The following SGCZ variants were observed in gnomAD, a reference collection of about 807,000 sequenced individuals.
SGCZ encodes the protein zeta-sarcoglycan.
SGCZ carries 40 observed loss-of-function variants against 41.3 expected under a neutral mutation model. That is an observed-to-expected ratio of 0.97 (90% CI 0.75 to 1.26). The LOEUF is 1.26. Among genes scored for constraint, SGCZ ranks in the 50% most tolerant of loss-of-function variants. The pLI is 0.00. For missense variants in SGCZ, 552 were observed against 369.8 expected (o/e 1.49, Z -4.04); for synonymous variants, 206 against 137.5 (o/e 1.50, Z -3.49).
intron 1 of SGCZ, among the ~76,000 whole-genome samples, chr8:14,682,128 A>T (rs1808467101): frequency 6.6e-6 from 1 of 152,096 alleles, no homozygotes; most frequent in Non-Finnish European, 1.5e-5. Flanking sequence ...TGCTTCAAGC[A>T]TGGATGGCAA....
intron 2 of SGCZ, among the ~76,000 whole-genome samples, chr8:14,384,772 A>T (rs1804507399): frequency 6.6e-6 from 1 of 152,126 alleles, no homozygotes; most frequent in Admixed American, 6.5e-5. Context: ...GCTGGTCTTG[A>T]ACTCCTGGTC....
At chr8:14,420,566 G>A (rs892391244) in intron 2 of SGCZ, among the ~76,000 whole-genome samples, 2 of 151,848 alleles carry the variant, frequency 1.3e-5, no homozygotes, top group South Asian at 2.1e-4. Flanking sequence ...TCCTCCTTCA[G>A]TTACCCAACA....
chr8:14,475,414 GT>G (rs1801330127), intron 2 of SGCZ, among the ~76,000 whole-genome samples: 2 of 152,032 alleles, frequency 1.3e-5, no homozygotes, highest in Admixed American at 1.3e-4. Context: ...CTATAAAAAG[GT>G]TTTTAACAAA....
At chr8:15,171,180 A>G (rs1563164188) in intron 1 of SGCZ, among the ~76,000 whole-genome samples, 1 of 152,204 alleles carries the variant, frequency 6.6e-6, no homozygotes. Context: ...TCTTAATTGA[A>G]AAAAGATAAA....
chr8:15,163,996 C>G (rs1402691565), intron 1 of SGCZ, among the ~76,000 whole-genome samples: 3 of 152,226 alleles, frequency 2.0e-5, no homozygotes, highest in Admixed American at 2.0e-4. Context: ...TGCGTGGAAC[C>G]TGGCATTCCA....
At chr8:14,520,680 A>C (rs1048947860) in intron 2 of SGCZ, among the ~76,000 whole-genome samples, 4 of 152,158 alleles carry the variant, frequency 2.6e-5, no homozygotes, top group Admixed American at 2.0e-4. Context: ...GTGATTAAAA[A>C]ATAGAACTCA....
chr8:14,756,169 T>C (rs1028403745), intron 1 of SGCZ, among the ~76,000 whole-genome samples: 5 of 149,678 alleles, frequency 3.3e-5, no homozygotes, highest in African/African-American at 7.4e-5. Context: ...ATTAGGAATA[T>C]TTTCAGTAGA....
chr8:14,760,990 C>CA (rs1799852963), intron 1 of SGCZ, among the ~76,000 whole-genome samples: 1 of 152,074 alleles, frequency 6.6e-6, no homozygotes, highest in African/African-American at 2.4e-5. Context: ...AGATGTAGGT[C>CA]AGAAGAAGCG....
intron 1 of SGCZ, among the ~76,000 whole-genome samples, chr8:15,004,874 T>C (rs1161925973): frequency 7.3e-5 from 1 of 13,744 alleles, no homozygotes; most frequent in Admixed American, 8.0e-4. Context: ...ACTGACGGGT[T>C]CTTTGTGTGC....
At position 14,835,287 on chromosome 8, in the gene SGCZ, T is replaced by C. The variant is rs141441027; in HGVS notation, c.40-280361A>G. Among the ~76,000 whole-genome samples the C allele has an allele frequency of 1.8e-4, 28 of 152,288 alleles. No homozygotes were observed. In the East Asian group the frequency reaches 3.7e-3, roughly 20 times the overall value. ...GTCATTTGCGAACTAACCTGACCTA[T>C]TATACTAGGATTCCAAATAAATACT... On this transcript the variant is annotated intron_variant, in intron 1 of 7. Transcript: ENST00000382080.
intron 4 of SGCZ, among the ~76,000 whole-genome samples, chr8:14,185,753 G>T (rs1904078): frequency 0.16 from 24,111 of 151,946 alleles, 2,243 homozygotes; most frequent in African/African-American, 0.24. Flanking sequence ...ATGTCCTGGA[G>T]CTCACAGTAA....
chr8:14,399,515 T>C (rs1460310508), intron 2 of SGCZ, among the ~76,000 whole-genome samples: 11 of 151,918 alleles, frequency 7.2e-5, no homozygotes, highest in Non-Finnish European at 4.4e-5. Context: ...CACAGATGAT[T>C]TGTTAAAGAA....
Position 14,571,242 on chromosome 8 carries a change from C to T in SGCZ, c.40-16316G>A, listed in dbSNP as rs898401389. Among the ~76,000 whole-genome samples the T allele has an allele frequency of 3.3e-5, 5 of 152,170 alleles. No homozygotes were observed. In the East Asian group the frequency reaches 9.6e-4, roughly 29 times the overall value. The stretch of plus-strand genomic sequence containing the variant: ...TCTCATGATTACAGCATGGGGCAAA[C>T]CGCATCCATGATCCAGTCACCTTCC... On this transcript the variant is annotated intron_variant, in intron 1 of 7. Transcript: ENST00000382080.
chr8:15,174,919 G>T (rs1799952758), intron 1 of SGCZ, among the ~76,000 whole-genome samples: 1 of 152,088 alleles, frequency 6.6e-6, no homozygotes, highest in South Asian at 2.1e-4. Context: ...TAATTCAACT[G>T]TCATGGAAAA....
chr8:14,231,160 A>AGTGTGTGTGTGT (rs71209027), intron 4 of SGCZ, among the ~76,000 whole-genome samples: 23,677 of 111,674 alleles, frequency 0.21, 3,019 homozygotes, highest in South Asian at 0.23. Context: ...TCTTTGGGCA[A>AGTGTGTGTGTGT]GTGTGTGTGT....
rs73529363 is a variant in SGCZ, at chr8:15,162,015, C to T, written c.39+75570G>A. ...CACGGCACTCCAGCCTGGGTAACAGCGTGAAAAGAGGCAAACTGCCTTGAC... is the reference window on the plus strand; with the variant it reads ...CACGGCACTCCAGCCTGGGTAACAGTGTGAAAAGAGGCAAACTGCCTTGAC... On this transcript the variant is annotated intron_variant, in intron 1 of 7. Coordinates refer to ENST00000382080, the MANE Select transcript of SGCZ (RefSeq NM_139167.4). Among the ~76,000 whole-genome samples, 757 of 152,160 alleles carry T rather than the reference C, an allele frequency of 5.0e-3. 9 individuals carry two copies. Among genetic ancestry groups the T allele is most frequent in the African/African-American group, 0.017 (704 of 41,506 alleles).
At chr8:15,144,465 C>T (rs1798982587) in intron 1 of SGCZ, among the ~76,000 whole-genome samples, 1 of 151,848 alleles carries the variant, frequency 6.6e-6, no homozygotes, top group African/African-American at 2.4e-5. Flanking sequence ...AGCAGGTTGA[C>T]ATTCACTTTT....
chr8:14,513,442 A>T (rs578223117), intron 2 of SGCZ, among the ~76,000 whole-genome samples: 9 of 152,146 alleles, frequency 5.9e-5, no homozygotes, highest in Non-Finnish European at 1.0e-4. Flanking sequence ...TCACAAGTCC[A>T]TAGAGTTTAT....
intron 1 of SGCZ, among the ~76,000 whole-genome samples, chr8:15,166,310 A>C (rs2085123): frequency 0.22 from 32,500 of 150,606 alleles, 4,478 homozygotes; most frequent in East Asian, 0.68. Context: ...TGCAGTGGCA[A>C]GATCTCAGCT....
Sources: allele counts gnomAD v4.1 joint callset (sites outside exome capture counted in the v4.1 genomes callset), GRCh38; gene constraint gnomAD v4.1.1; transcripts MANE v1.5; gene names NCBI Gene and HGNC (gene_info 2026-07-23, HGNC 2026-07-21).